Variants in AGBL1 observed in about 807,000 individuals in gnomAD.
The protein encoded by AGBL1 is cytosolic carboxypeptidase 4.
Under a neutral mutation model 118.9 loss-of-function variants are expected in AGBL1, and 130 were observed. The observed-to-expected ratio is 1.09, with a 90% CI of 0.95 to 1.26. The LOEUF (loss-of-function observed/expected upper bound fraction) is 1.26. Among genes scored for constraint, AGBL1 ranks in the 50% most tolerant of loss-of-function variants. AGBL1 has a pLI of 0.00. For missense variants in AGBL1, 1,584 were observed against 1,298.1 expected, an observed-to-expected ratio of 1.22 and a Z score of -3.38; for synonymous variants, 555 against 478.9, an observed-to-expected ratio of 1.16 and a Z score of -2.08.
intron 22 of AGBL1, among the ~76,000 whole-genome samples, chr15:86,782,728 A>C (rs1224552059): frequency 1.3e-5 from 2 of 152,210 alleles, no homozygotes; most frequent in Non-Finnish European, 2.9e-5. Flanking sequence ...GGAAGTAAGA[A>C]AAATCTACAT....
intron 17 of AGBL1, among the ~76,000 whole-genome samples, chr15:86,332,075 G>GA (rs1366829635): frequency 6.8e-5 from 10 of 147,026 alleles, no homozygotes; most frequent in Non-Finnish European, 1.5e-4. Flanking sequence ...AAGGACTGGA[G>GA]AAAAATCTGT....
intron 17 of AGBL1, among the ~76,000 whole-genome samples, chr15:86,306,152 T>A (rs1034291835): frequency 6.6e-6 from 1 of 152,146 alleles, no homozygotes; most frequent in African/African-American, 2.4e-5. Context: ...CATTTATCCT[T>A]TGAGTTACAA....
chr15:86,795,333 C>T (rs936460821), intron 22 of AGBL1, among the ~76,000 whole-genome samples: 1 of 152,028 alleles, frequency 6.6e-6, no homozygotes, highest in African/African-American at 2.4e-5. Context: ...TTTTATAAAG[C>T]CTTCTGGGAA....
chr15:86,751,796 G>A (rs2077857245), intron 22 of AGBL1, among the ~76,000 whole-genome samples: 1 of 152,044 alleles, frequency 6.6e-6, no homozygotes, highest in Admixed American at 6.6e-5. Context: ...GCTACCTTAA[G>A]ATCAGTTAGA....
chr15:86,584,905 A>T (rs2084224113), intron 21 of AGBL1, among the ~76,000 whole-genome samples: 1 of 151,922 alleles, frequency 6.6e-6, no homozygotes, highest in Non-Finnish European at 1.5e-5. Flanking sequence ...GACTTCCTTG[A>T]TTAGATCTAT....
At chr15:86,201,859 TCTTTAAAGGGC>T (rs1383543642) in intron 5 of AGBL1, among the ~76,000 whole-genome samples, 2 of 152,174 alleles carry the variant, frequency 1.3e-5, no homozygotes, top group African/African-American at 4.8e-5. Flanking sequence ...AAGTTCCTTC[TCTTTAAAGGGC>T]CTTTATAGGC....
At chr15:87,023,052 C>T (rs2081684154) in intron 24 of AGBL1, among the ~76,000 whole-genome samples, 1 of 151,788 alleles carries the variant, frequency 6.6e-6, no homozygotes, top group Non-Finnish European at 1.5e-5. Context: ...AATAAAAATA[C>T]CATTTAAAAA....
chr15:86,755,453 AG>A (rs1165791108), intron 22 of AGBL1, among the ~76,000 whole-genome samples: 1 of 152,102 alleles, frequency 6.6e-6, no homozygotes. Flanking sequence ...TTAAAATGCC[AG>A]GAACAAGAAG....
At chr15:86,530,221 G>C (rs560983970) in intron 19 of AGBL1, among the ~76,000 whole-genome samples, 1 of 136,542 alleles carries the variant, frequency 7.3e-6, no homozygotes, top group East Asian at 2.0e-4. Flanking sequence ...CCCATCTCAC[G>C]TGCAGAGACA....
At position 86,909,422 on chromosome 15, in the gene AGBL1, C is replaced by T. The variant is rs1377681905; in HGVS notation, c.*2128C>T. 1 of 152,226 alleles carries T rather than the reference C, an allele frequency of 6.6e-6. No homozygotes were observed. Among genetic ancestry groups the T allele is most frequent in the African/African-American group, 2.4e-5 (1 of 41,460 alleles). 9.4% of individuals were successfully genotyped at this position (152,226 alleles called of 1,614,324 possible). On this transcript the variant is annotated 3_prime_UTR_variant, in exon 23 of 23. Coordinates refer to ENST00000614907, the MANE Select transcript of AGBL1 (RefSeq NM_001386094.1). ...ACCAGCAGAAAGCCACAGAACAAAA[C>T]AGGATTAGCTCCAAGGCATAGAAGA...
At chr15:86,591,965 T>C (rs2142353092) in intron 21 of AGBL1, among the ~76,000 whole-genome samples, 1 of 152,298 alleles carries the variant, frequency 6.6e-6, no homozygotes, top group East Asian at 1.9e-4. Flanking sequence ...CTAAGGATTT[T>C]AGAAGTTATA....
chr15:86,417,508 A>G (rs1269435165), intron 18 of AGBL1, among the ~76,000 whole-genome samples: 3 of 152,246 alleles, frequency 2.0e-5, no homozygotes, highest in African/African-American at 7.2e-5. Context: ...TGTAACATTG[A>G]ACAGAGCAAG....
intron 6 of AGBL1, among the ~76,000 whole-genome samples, chr15:86,225,219 C>A (rs775608984): frequency 2.6e-5 from 4 of 151,462 alleles, no homozygotes; most frequent in Admixed American, 6.6e-5. Flanking sequence ...GACAATGGAC[C>A]CTAAAGGGGG....
intron 18 of AGBL1, among the ~76,000 whole-genome samples, chr15:86,454,343 G>A (rs2082234943): frequency 6.6e-6 from 1 of 152,180 alleles, no homozygotes; most frequent in Non-Finnish European, 1.5e-5. Context: ...CTCATATACA[G>A]CCACTTTGGA....
chr15:86,080,748 G>A (rs1212987860), intron 1 of AGBL1, among the ~76,000 whole-genome samples: 3 of 152,136 alleles, frequency 2.0e-5, no homozygotes, highest in Non-Finnish European at 2.9e-5. Context: ...GGATCAATCC[G>A]AGCGTTAGAG....
At chr15:86,730,582 G>A (rs2077513793) in intron 22 of AGBL1, among the ~76,000 whole-genome samples, 1 of 152,084 alleles carries the variant, frequency 6.6e-6, no homozygotes, top group South Asian at 2.1e-4. Context: ...TGTTTCCACA[G>A]TTAAGTGCAT....
At chr15:86,401,235 T>C (rs1311378379) in intron 18 of AGBL1, among the ~76,000 whole-genome samples, 1 of 152,204 alleles carries the variant, frequency 6.6e-6, no homozygotes, top group Non-Finnish European at 1.5e-5. Context: ...TTTTCATATG[T>C]TTGTTGGCTA....
intron 17 of AGBL1, among the ~76,000 whole-genome samples, chr15:86,374,074 G>A (rs991107576): frequency 1.3e-5 from 2 of 152,180 alleles, no homozygotes; most frequent in African/African-American, 4.8e-5. Context: ...CGACTTGGTT[G>A]CATATTTAGA....
chr15:86,309,445 G>A (rs777294892), intron 17 of AGBL1, among the ~76,000 whole-genome samples: 5 of 152,014 alleles, frequency 3.3e-5, no homozygotes, highest in African/African-American at 7.3e-5. Context: ...GTACTATATC[G>A]AATAGAAGTG....
Sources: gnomAD v4.1 joint callset for allele counts (sites outside exome capture counted in the v4.1 genomes callset) on GRCh38, gnomAD v4.1.1 for gene constraint, MANE v1.5 for transcripts, NCBI Gene and HGNC (gene_info 2026-07-23, HGNC 2026-07-21) for gene names.